The following ACTR3C variants were observed in gnomAD, a reference collection of about 807,000 sequenced individuals.
ACTR3C encodes the protein actin-related protein 3C.
ACTR3C carries 18 observed loss-of-function variants against 26.3 expected under a neutral mutation model. That is an observed-to-expected ratio of 0.68 (90% CI 0.47 to 1.01). The LOEUF is 1.01. ACTR3C is among the 50% of genes least tolerant of loss of function. The probability of loss-of-function intolerance (pLI) is 0.00; values close to 1 mark genes in which losing one functional copy is unlikely to be tolerated. For synonymous variants in ACTR3C, 55 were observed against 94.5 expected (o/e 0.58, Z 2.42); for missense variants, 184 against 250.7 (o/e 0.73, Z 1.80).
the ACTR3C span, among the ~76,000 whole-genome samples, chr7:150,083,989 T>C: frequency 2.0e-5 from 3 of 152,154 alleles, no homozygotes; most frequent in Admixed American, 1.3e-4. Flanking sequence ...ATATCCAAAA[T>C]AGAGCAAATC....
chr7:150,003,530 A>C, the ACTR3C span, among the ~76,000 whole-genome samples: 1 of 148,342 alleles, frequency 6.7e-6, no homozygotes. Flanking sequence ...GTGATGTGGT[A>C]TGTGGTATGT....
At chr7:150,151,581 T>G in the ACTR3C span, among the ~76,000 whole-genome samples, 13 of 135,994 alleles carry the variant, frequency 9.6e-5, 4 homozygotes, top group Admixed American at 9.7e-4. Flanking sequence ...CTGTACCAGG[T>G]TATCTTTTTC....
At chr7:150,292,031 G>A (rs1836309179) in intron 3 of ACTR3C, among the ~76,000 whole-genome samples, 1 of 150,396 alleles carries the variant, frequency 6.6e-6, no homozygotes, top group South Asian at 2.2e-4. Flanking sequence ...TAACCTTCAA[G>A]GAATTAAAGG....
chr7:150,136,314 A>T, the ACTR3C span, among the ~76,000 whole-genome samples: 1 of 152,198 alleles, frequency 6.6e-6, no homozygotes, highest in African/African-American at 2.4e-5. Flanking sequence ...AATGAGACAC[A>T]CGTTTTCCAG....
At chr7:150,202,427 G>T in the ACTR3C span, among the ~76,000 whole-genome samples, 1 of 151,996 alleles carries the variant, frequency 6.6e-6, no homozygotes, top group Non-Finnish European at 1.5e-5. Context: ...TAAAGTCAGG[G>T]ATGAGAAACT....
At chr7:149,954,717 G>T in the ACTR3C span, among the ~76,000 whole-genome samples, 1 of 152,142 alleles carries the variant, frequency 6.6e-6, no homozygotes, top group South Asian at 2.1e-4. Context: ...AGTATGTGTG[G>T]AATGAATTAA....
chr7:149,937,288 A>G, the ACTR3C span, among the ~76,000 whole-genome samples: 2 of 143,810 alleles, frequency 1.4e-5, no homozygotes, highest in Non-Finnish European at 3.0e-5. Context: ...CATGTCTGGG[A>G]GGCAGACTGG....
At chr7:150,010,871 T>C in the ACTR3C span, among the ~76,000 whole-genome samples, 1 of 147,316 alleles carries the variant, frequency 6.8e-6, no homozygotes, top group Non-Finnish European at 1.5e-5. Flanking sequence ...CCAAGTGCCA[T>C]GTGGATTCAC....
the ACTR3C span, among the ~76,000 whole-genome samples, chr7:150,087,106 T>C: frequency 6.7e-6 from 1 of 149,366 alleles, no homozygotes; most frequent in Non-Finnish European, 1.5e-5. Context: ...TAAACACAAA[T>C]AGATTTTCCT....
chr7:150,138,178 C>T, the ACTR3C span, among the ~76,000 whole-genome samples: 1 of 152,068 alleles, frequency 6.6e-6, no homozygotes, highest in East Asian at 1.9e-4. Flanking sequence ...GGTTGTGACA[C>T]CAAGTAGACA....
At chr7:149,943,776 T>C in the ACTR3C span, among the ~76,000 whole-genome samples, 1 of 148,568 alleles carries the variant, frequency 6.7e-6, no homozygotes, top group East Asian at 1.9e-4. Flanking sequence ...TCACTTACTT[T>C]GTTTTCTATA....
At chr7:149,961,507 A>T in the ACTR3C span, among the ~76,000 whole-genome samples, 2 of 151,934 alleles carry the variant, frequency 1.3e-5, no homozygotes, top group Admixed American at 1.3e-4. Context: ...TGCTCAAAGG[A>T]AGTGCACAGA....
chr7:150,045,334 TAAGAA>T, the ACTR3C span, among the ~76,000 whole-genome samples: 1 of 152,280 alleles, frequency 6.6e-6, no homozygotes, highest in Non-Finnish European at 1.5e-5. Flanking sequence ...GGAACTTTTC[TAAGAA>T]GAGTGCATAA....
the ACTR3C span, among the ~76,000 whole-genome samples, chr7:150,228,544 A>G: frequency 9.2e-5 from 14 of 152,214 alleles, no homozygotes; most frequent in Admixed American, 8.5e-4. Context: ...CAAAAGAGCA[A>G]AATCAGAGCT....
At chr7:150,015,673 A>G in the ACTR3C span, among the ~76,000 whole-genome samples, 4 of 152,092 alleles carry the variant, frequency 2.6e-5, no homozygotes, top group Non-Finnish European at 5.9e-5. Context: ...ACGTCCCTTG[A>G]TTTTCTCTCC....
the ACTR3C span, among the ~76,000 whole-genome samples, chr7:150,152,507 A>G: frequency 6.6e-6 from 1 of 152,170 alleles, no homozygotes; most frequent in Non-Finnish European, 1.5e-5. Context: ...ATCATGGTGG[A>G]TAAGCTTTTT....
intron 3 of ACTR3C, among the ~76,000 whole-genome samples, chr7:150,291,877 C>T (rs1476310544): frequency 1.3e-5 from 2 of 151,640 alleles, no homozygotes; most frequent in African/African-American, 2.4e-5. Flanking sequence ...GTCTAGAGCA[C>T]ACTTCACAGG....
chr7:150,228,331 G>A, the ACTR3C span, among the ~76,000 whole-genome samples: 1 of 152,116 alleles, frequency 6.6e-6, no homozygotes, highest in Non-Finnish European at 1.5e-5. Context: ...AAAAACAATA[G>A]ACATTTCCAT....
At chr7:150,280,496 T>C (rs1331250521) in intron 6 of ACTR3C, among the ~76,000 whole-genome samples, 1 of 152,186 alleles carries the variant, frequency 6.6e-6, no homozygotes, top group Non-Finnish European at 1.5e-5. Context: ...GGAATGGCAG[T>C]TACCAGGTGC....
Sources: gnomAD v4.1 joint callset for allele counts (sites outside exome capture counted in the v4.1 genomes callset) on GRCh38, gnomAD v4.1.1 for gene constraint, MANE v1.5 for transcripts, NCBI Gene and HGNC (gene_info 2026-07-23, HGNC 2026-07-21) for gene names.